Variants in NENF observed in about 807,000 individuals in gnomAD.
The protein encoded by NENF is neudesin neurotrophic factor, also known as neudesin.
NENF carries 6 observed loss-of-function variants against 14.8 expected under a neutral mutation model. The observed-to-expected ratio is 0.40, with a 90% CI of 0.22 to 0.80. The LOEUF is 0.80. Among genes scored for constraint, NENF ranks in the 30% least tolerant of loss-of-function variants. NENF has a pLI of 0.34. For synonymous variants in NENF, 76 were observed against 95.1 expected (o/e 0.80, Z 1.17); for missense variants, 184 against 212.7 (o/e 0.87, Z 0.84).
intron 2 of NENF, 126 bp from the exon 3 acceptor site, chr1:212,444,213 C>G: frequency 2.0e-6 from 1 of 489,016 alleles, no homozygotes; most frequent in Non-Finnish European, 3.6e-6. Context: ...CATTGTTTGG[C>G]CTCTCCGTGA....
chr1:212,442,492 G>A (rs1271127728), intron 1 of NENF, 73 bp from the exon 2 acceptor site: 1 of 1,156,742 alleles, frequency 8.6e-7, no homozygotes, highest in Non-Finnish European at 1.3e-6. Context: ...TGTGATGGGA[G>A]AAGATTTTAC....
At chr1:212,436,747 C>T (rs1402688612) in intron 1 of NENF, among the ~76,000 whole-genome samples, 3 of 152,070 alleles carry the variant, frequency 2.0e-5, no homozygotes, top group Non-Finnish European at 2.9e-5. Flanking sequence ...GTAACCTGTG[C>T]AAATTGACAC....
chr1:212,442,943 A>G (rs1266405883), intron 2 of NENF, among the ~76,000 whole-genome samples: 4 of 152,014 alleles, frequency 2.6e-5, no homozygotes, highest in Non-Finnish European at 4.4e-5. Flanking sequence ...GGGTTTCACC[A>G]TCTTGGCAAG....
intron 1 of NENF, among the ~76,000 whole-genome samples, chr1:212,437,675 A>C (rs769954814): frequency 6.6e-6 from 1 of 152,280 alleles, no homozygotes; most frequent in Non-Finnish European, 1.5e-5. Context: ...GAAATCCGTG[A>C]AGCATGGGTG....
intron 1 of NENF, among the ~76,000 whole-genome samples, chr1:212,441,113 A>T (rs1185930436): frequency 6.6e-6 from 1 of 152,124 alleles, no homozygotes; most frequent in East Asian, 1.9e-4. Flanking sequence ...GTAACATTTT[A>T]TGCCTGCTAA....
chr1:212,441,556 G>A (rs1313186765), intron 1 of NENF, among the ~76,000 whole-genome samples: 2 of 152,060 alleles, frequency 1.3e-5, no homozygotes, highest in Non-Finnish European at 2.9e-5. Flanking sequence ...AGGCCTAGGT[G>A]GGTGGATCAC....
chr1:212,445,513 C>T (rs1006848992), intron 3 of NENF, among the ~76,000 whole-genome samples: 4 of 151,702 alleles, frequency 2.6e-5, no homozygotes, highest in African/African-American at 4.8e-5. Flanking sequence ...GAGGATTAAT[C>T]GGGGGGAGGA....
At chr1:212,444,674 G>A (rs1012173952) in intron 3 of NENF, among the ~76,000 whole-genome samples, 3 of 151,766 alleles carry the variant, frequency 2.0e-5, no homozygotes, top group Non-Finnish European at 2.9e-5. Flanking sequence ...ATGTCATCTC[G>A]ACTCAGAAAC....
intron 1 of NENF, among the ~76,000 whole-genome samples, chr1:212,440,422 A>G (rs112921769): frequency 1.3e-5 from 2 of 148,706 alleles, no homozygotes; most frequent in Admixed American, 7.1e-5. Context: ...GAAACCTGGT[A>G]AAGGAAAGGC....
At chr1:212,434,208 T>G (rs1031075138) in intron 1 of NENF, among the ~76,000 whole-genome samples, 1 of 152,100 alleles carries the variant, frequency 6.6e-6, no homozygotes, top group Non-Finnish European at 1.5e-5. Context: ...GATGTGAGGA[T>G]GTTAAGGGAT....
intron 2 of NENF, among the ~76,000 whole-genome samples, chr1:212,443,988 A>G (rs963156658): frequency 4.0e-5 from 6 of 151,810 alleles, no homozygotes; most frequent in Admixed American, 6.6e-5. Flanking sequence ...GGAGGTGGAG[A>G]TTGCAGTGAG....
chr1:212,442,710 G>GGGAA (rs1662716951), intron 2 of NENF, 85 bp downstream of exon 2: 1 of 916,270 alleles, frequency 1.1e-6, no homozygotes, highest in African/African-American at 1.6e-5. Context: ...AGGAAAGGGA[G>GGGAA]GGAACATTAG....
chr1:212,441,142 T>G (rs1662692833), intron 1 of NENF, among the ~76,000 whole-genome samples: 1 of 152,176 alleles, frequency 6.6e-6, no homozygotes, highest in Non-Finnish European at 1.5e-5. Flanking sequence ...AAAAAAAGTG[T>G]AAAGCCCATT....
At chr1:212,435,659 C>G (rs11119936) in intron 1 of NENF, among the ~76,000 whole-genome samples, 15,396 of 151,648 alleles carry the variant, frequency 0.1, 1,225 homozygotes, top group East Asian at 0.39. Flanking sequence ...GTCCTCCTAC[C>G]TCAGCCTTCC....
intron 2 of NENF, 45 bp from the exon 3 acceptor site, chr1:212,444,294 G>T: frequency 7.3e-7 from 1 of 1,378,858 alleles, no homozygotes; most frequent in East Asian, 2.4e-5. Context: ...TGGTTACTCT[G>T]CATGTAAACC....
chr1:212,444,249 T>C (rs1662740129), intron 2 of NENF, 90 bp from the exon 3 acceptor site: 1 of 730,262 alleles, frequency 1.4e-6, no homozygotes, highest in Non-Finnish European at 2.2e-6. Context: ...TAGGATTGGG[T>C]GCGGGCCTTG....
intron 2 of NENF, among the ~76,000 whole-genome samples, chr1:212,442,829 G>A (rs1662718436): frequency 6.6e-6 from 1 of 152,114 alleles, no homozygotes; most frequent in Non-Finnish European, 1.5e-5. Flanking sequence ...TGCAACCTCT[G>A]CCTTCTGGGT....
At chr1:212,438,500 A>G (rs1490715926) in intron 1 of NENF, among the ~76,000 whole-genome samples, 1 of 152,164 alleles carries the variant, frequency 6.6e-6, no homozygotes, top group Non-Finnish European at 1.5e-5. Flanking sequence ...GGGTATAGTA[A>G]TAACTGCCTT....
At chr1:212,440,534 A>G (rs975675678) in intron 1 of NENF, among the ~76,000 whole-genome samples, 1 of 152,122 alleles carries the variant, frequency 6.6e-6, no homozygotes, top group Non-Finnish European at 1.5e-5. Flanking sequence ...CACAGAGTCA[A>G]TGGCAGTCCT....
Sources: allele counts gnomAD v4.1 joint callset (sites outside exome capture counted in the v4.1 genomes callset), GRCh38; gene constraint gnomAD v4.1.1; transcripts MANE v1.5; gene names NCBI Gene and HGNC (gene_info 2026-07-23, HGNC 2026-07-21).